The following PBX3 variants were observed in gnomAD, a reference collection of about 807,000 sequenced individuals.
The protein encoded by PBX3 is pre-B-cell leukemia transcription factor 3.
PBX3 carries 14 observed loss-of-function variants against 48.5 expected under a neutral mutation model. That is an observed-to-expected ratio of 0.29 (90% CI 0.19 to 0.45). The LOEUF (loss-of-function observed/expected upper bound fraction) is 0.45. Ranked by LOEUF, PBX3 falls within the 20% of genes least tolerant of loss-of-function variation. PBX3 has a pLI of 1.00. For missense variants in PBX3, 386 were observed against 546.7 expected, an observed-to-expected ratio of 0.71 and a Z score of 2.93; for synonymous variants, 210 against 200.3, an observed-to-expected ratio of 1.05 and a Z score of -0.41.
At chr9:125,918,255 G>C (rs1389618955) in intron 3 of PBX3, among the ~76,000 whole-genome samples, 1 of 152,164 alleles carries the variant, frequency 6.6e-6, no homozygotes, top group Admixed American at 6.5e-5. Context: ...TGTGAAGCTG[G>C]TGTCAGTCAA....
At chr9:125,808,918 A>G (rs1008519958) in intron 2 of PBX3, among the ~76,000 whole-genome samples, 1 of 152,136 alleles carries the variant, frequency 6.6e-6, no homozygotes, top group African/African-American at 2.4e-5. Flanking sequence ...TATCTAACAC[A>G]TATTTTCTTT....
chr9:125,943,243 C>T (rs1841995548), intron 5 of PBX3, among the ~76,000 whole-genome samples: 3 of 151,424 alleles, frequency 2.0e-5, no homozygotes, highest in South Asian at 2.1e-4. Flanking sequence ...GTAGTCCCAG[C>T]TACTCGGGAG....
intron 2 of PBX3, among the ~76,000 whole-genome samples, chr9:125,757,829 C>G (rs1176994122): frequency 6.6e-6 from 1 of 152,268 alleles, no homozygotes; most frequent in East Asian, 1.9e-4. Context: ...CACTATAAAA[C>G]CCAGTGATAC....
chr9:125,842,964 T>C (rs1214654990), intron 2 of PBX3, among the ~76,000 whole-genome samples: 1 of 152,180 alleles, frequency 6.6e-6, no homozygotes, highest in East Asian at 1.9e-4. Context: ...TTATGTCAGT[T>C]CTAGCTTTGT....
At chr9:125,748,385 G>A in intron 1 of PBX3, 165 bp from the exon 2 acceptor site, 3 of 1,354,128 alleles carry the variant, frequency 2.2e-6, no homozygotes, top group Non-Finnish European at 2.9e-6. Flanking sequence ...GGGCTTGCTG[G>A]CTGTCGGGAA....
Position 125,840,903 on chromosome 9 carries a change from T to A in PBX3, c.275-74783T>A, listed in dbSNP as rs113285679. ...CTCCTTTGTGAAATTATTTGCTTGTTTGATTTTAAGTCGTTCAGTTTGTTA... is the reference window on the plus strand; with the variant it reads ...CTCCTTTGTGAAATTATTTGCTTGTATGATTTTAAGTCGTTCAGTTTGTTA... On this transcript the variant is annotated intron_variant, in intron 2 of 8. Coordinates refer to ENST00000373489, the MANE Select transcript of PBX3 (RefSeq NM_006195.6). 3.5e-3 allele frequency among the ~76,000 whole-genome samples: 532 copies of A among 152,228 alleles called. 3 individuals are homozygous for A. The highest frequency in any genetic ancestry group is 0.012 in the African/African-American group (513 of 41,546).
At chr9:125,823,643 A>T (rs373530989) in intron 2 of PBX3, among the ~76,000 whole-genome samples, 1 of 152,032 alleles carries the variant, frequency 6.6e-6, no homozygotes, top group African/African-American at 2.4e-5. Flanking sequence ...TTTTTTAAAA[A>T]AAGAAAGAAA....
At chr9:125,919,036 A>C (rs1841396328) in intron 3 of PBX3, among the ~76,000 whole-genome samples, 1 of 152,178 alleles carries the variant, frequency 6.6e-6, no homozygotes, top group South Asian at 2.1e-4. Context: ...TCGCACATCT[A>C]GTTAGTGTCA....
intron 2 of PBX3, among the ~76,000 whole-genome samples, chr9:125,865,022 G>T (rs1274864395): frequency 6.6e-6 from 1 of 152,186 alleles, no homozygotes; most frequent in African/African-American, 2.4e-5. Flanking sequence ...ATAACATAAA[G>T]ACTAACATTT....
At chr9:125,875,775 T>G (rs186819401) in intron 2 of PBX3, among the ~76,000 whole-genome samples, 165 of 152,316 alleles carry the variant, frequency 1.1e-3, no homozygotes, top group Admixed American at 2.6e-3. Context: ...GTCTGGAATT[T>G]TTTGCTATTT....
At chr9:125,950,205 CTT>C (rs1306216989) in intron 5 of PBX3, among the ~76,000 whole-genome samples, 4 of 152,218 alleles carry the variant, frequency 2.6e-5, no homozygotes, top group Admixed American at 1.3e-4. Context: ...GTTTTATACA[CTT>C]TTGCAGATGA....
intron 5 of PBX3, among the ~76,000 whole-genome samples, chr9:125,940,349 C>T (rs1046489436): frequency 2.6e-5 from 4 of 152,172 alleles, no homozygotes; most frequent in Non-Finnish European, 5.9e-5. Flanking sequence ...AAGGAAGTCT[C>T]ATGTCAGTTA....
intron 2 of PBX3, among the ~76,000 whole-genome samples, chr9:125,859,033 A>G (rs1292981979): frequency 2.0e-5 from 3 of 152,198 alleles, no homozygotes; most frequent in Non-Finnish European, 4.4e-5. Context: ...TTCTGCCCAT[A>G]GACAAGTCTA....
intron 2 of PBX3, among the ~76,000 whole-genome samples, chr9:125,886,042 C>T (rs867907111): frequency 2.0e-5 from 3 of 152,000 alleles, no homozygotes; most frequent in South Asian, 2.1e-4. Context: ...CTAGGTATCC[C>T]TGGGGCCCTG....
intron 2 of PBX3, among the ~76,000 whole-genome samples, chr9:125,802,684 T>G (rs199617116): frequency 1.4e-5 from 2 of 140,770 alleles, no homozygotes; most frequent in South Asian, 2.3e-4. Flanking sequence ...ATTTTTTTTT[T>G]GTTTGTTTTT....
intron 2 of PBX3, among the ~76,000 whole-genome samples, chr9:125,857,779 A>G (rs1339636043): frequency 6.6e-6 from 1 of 152,230 alleles, no homozygotes; most frequent in African/African-American, 2.4e-5. Flanking sequence ...TTACTTAGGA[A>G]GAATTTTGGA....
chr9:125,967,001 T>C lies in PBX3; in HGVS notation c.*1078T>C, dbSNP rs1246388954. 6.6e-6 allele frequency: 1 copy of C among 152,428 alleles called. No individual in the cohort carries two copies. Among genetic ancestry groups the C allele is most frequent in the Non-Finnish European group, 1.5e-5 (1 of 68,016 alleles). The allele number at this position is 152,428 out of a possible 1,614,324, so 9.4% of individuals were successfully genotyped here. A position where few individuals can be genotyped will look rare whatever the true frequency, so the allele number is the denominator to read the frequency against. On this transcript the variant is annotated 3_prime_UTR_variant, in exon 9 of 9. Transcript: ENST00000373489. ...TTTAAAAAACCGAGTGTGGAAACAT[T>C]GGGTCTTAATTCAACACAGGATCGG...
chr9:125,873,116 C>T (rs768732243), intron 2 of PBX3, among the ~76,000 whole-genome samples: 5 of 151,528 alleles, frequency 3.3e-5, no homozygotes, highest in Non-Finnish European at 7.4e-5. Flanking sequence ...CAGGAGAAGG[C>T]GGAGGTTGCA....
At chr9:125,817,902 T>C (rs946712932) in intron 2 of PBX3, among the ~76,000 whole-genome samples, 1 of 152,178 alleles carries the variant, frequency 6.6e-6, no homozygotes, top group Non-Finnish European at 1.5e-5. Context: ...ACAAAGTATA[T>C]TATAAATGGT....
Sources: allele counts gnomAD v4.1 joint callset (sites outside exome capture counted in the v4.1 genomes callset), GRCh38; gene constraint gnomAD v4.1.1; transcripts MANE v1.5; gene names NCBI Gene and HGNC (gene_info 2026-07-23, HGNC 2026-07-21).